Variants in BAG4 observed in about 807,000 individuals in gnomAD.
BAG4 encodes the protein BAG cochaperone 4.
A neutral mutation model predicts 52.1 loss-of-function variants in BAG4; 28 were observed. The observed-to-expected ratio is 0.54, with a 90% CI of 0.40 to 0.74. BAG4 has a LOEUF of 0.74. BAG4 is among the 30% of genes least tolerant of loss of function. BAG4 has a pLI of 0.00. For synonymous variants in BAG4, 208 were observed against 217.0 expected, an observed-to-expected ratio of 0.96 and a Z score of 0.37; for missense variants, 525 against 572.0, an observed-to-expected ratio of 0.92 and a Z score of 0.84.
At chr8:38,179,414 C>G (rs182362384) in intron 1 of BAG4, among the ~76,000 whole-genome samples, 2 of 151,798 alleles carry the variant, frequency 1.3e-5, no homozygotes, top group East Asian at 3.9e-4. Context: ...GCCTCGGCCT[C>G]CAAAAGTGCT....
intron 1 of BAG4, among the ~76,000 whole-genome samples, chr8:38,188,869 C>G (rs1323695540): frequency 6.6e-6 from 1 of 152,002 alleles, no homozygotes; most frequent in Non-Finnish European, 1.5e-5. Context: ...TCTTGGCTCA[C>G]TGCAACCTCC....
At chr8:38,178,553 A>G (rs1439156596) in intron 1 of BAG4, among the ~76,000 whole-genome samples, 1 of 152,288 alleles carries the variant, frequency 6.6e-6, no homozygotes, top group Non-Finnish European at 1.5e-5. Flanking sequence ...TTGTAAGGAC[A>G]TAACGACTGA....
At chr8:38,183,751 G>A (rs1229602040) in intron 1 of BAG4, among the ~76,000 whole-genome samples, 1 of 151,588 alleles carries the variant, frequency 6.6e-6, no homozygotes, top group East Asian at 2.0e-4. Flanking sequence ...TCAAACTCCT[G>A]GGCTCAAGCT....
chr8:38,209,608 G>A lies in BAG4; in HGVS notation c.888+341G>A. 3 of 375,332 alleles carry A rather than the reference G, an allele frequency of 8.0e-6. No individual in the cohort carries two copies. In the South Asian group the frequency reaches 1.1e-4, roughly 14 times the overall value. The allele number at this position is 375,332 out of a possible 1,614,324, so 23.3% of individuals were successfully genotyped here. Reference sequence around the variant, plus strand: ...AACCAATGTGAAATATCTGTAGCATGAGCTTGTATTTAAACCACAGACTTG... The same window carrying A: ...AACCAATGTGAAATATCTGTAGCATAAGCTTGTATTTAAACCACAGACTTG... On this transcript the variant is annotated intron_variant, in intron 4 of 4. Coordinates refer to ENST00000287322, the MANE Select transcript of BAG4 (RefSeq NM_004874.4).
In BAG4 at chr8:38,193,485, A is replaced by C. The variant is rs538389366; in HGVS notation, c.378+690A>C. 5.3e-5 allele frequency among the ~76,000 whole-genome samples: 8 copies of C among 152,322 alleles called. No individual in the cohort carries two copies. The East Asian group carries it at 1.5e-3, about 29-fold the overall frequency. The stretch of plus-strand genomic sequence containing the variant: ...GCAGATTTGTCAATTTCTGTTTGCC[A>C]CATTTGTTTCAGATTTTTAAGAAAG... On this transcript the variant is annotated intron_variant, in intron 2 of 4. Transcript: ENST00000287322.
At position 38,209,191 on chromosome 8, in the gene BAG4, T is replaced by C. The variant is rs1383344317; in HGVS notation, c.812T>C (p.Met271Thr). 5.0e-6 allele frequency: 8 copies of C among 1,614,072 alleles called. No homozygotes were observed. The highest frequency in any genetic ancestry group is 1.3e-5 in the African/African-American group (1 of 74,932). ...APSAPPGNLY[M>T]TESTSPWPSS... ...TCAGCACCACCCGGCAATCTCTACATGACTGAAAGTACTTCACCATGGCCT... is the reference window on the plus strand; with the variant it reads ...TCAGCACCACCCGGCAATCTCTACACGACTGAAAGTACTTCACCATGGCCT... Residue 271 changes from methionine (M) to threonine (T), a missense_variant, in exon 4 of 5, where the codon ATG (methionine) becomes ACG (threonine). Transcript: ENST00000287322.
At chr8:38,189,986 C>T (rs1803445931) in intron 1 of BAG4, among the ~76,000 whole-genome samples, 1 of 152,078 alleles carries the variant, frequency 6.6e-6, no homozygotes, top group East Asian at 1.9e-4. Flanking sequence ...GGGGTTTCAC[C>T]GTGTTAGCTA....
intron 1 of BAG4, among the ~76,000 whole-genome samples, chr8:38,177,853 C>CT (rs1803191926): frequency 6.6e-6 from 1 of 152,118 alleles, no homozygotes; most frequent in Non-Finnish European, 1.5e-5. Context: ...TTAATACAGT[C>CT]TTCTGGGTAG....
chr8:38,179,060 A>G (rs1395164740), intron 1 of BAG4, among the ~76,000 whole-genome samples: 1 of 152,222 alleles, frequency 6.6e-6, no homozygotes, highest in Non-Finnish European at 1.5e-5. Flanking sequence ...AAACTACTGA[A>G]TTGTACATTT....
intron 3 of BAG4, 48 bp downstream of exon 3, chr8:38,207,814 C>G: frequency 1.9e-6 from 3 of 1,600,456 alleles, no homozygotes; most frequent in Non-Finnish European, 2.6e-6. Context: ...GTCTCTGCCT[C>G]TTGTAAACAG....
intron 1 of BAG4, among the ~76,000 whole-genome samples, chr8:38,183,718 T>A (rs531166129): frequency 1.3e-5 from 2 of 152,202 alleles, no homozygotes; most frequent in African/African-American, 4.8e-5. Context: ...GAACAGGTTC[T>A]CACTGTATTC....
At chr8:38,191,718 C>T (rs34813622) in intron 1 of BAG4, among the ~76,000 whole-genome samples, 8,817 of 147,992 alleles carry the variant, frequency 0.06, 389 homozygotes, top group Admixed American at 0.11. Context: ...CGAGATCGTG[C>T]CATTGCACTC....
chr8:38,207,495 A>C lies in BAG4; in HGVS notation c.379-17A>C. ...CTACTAATTCATCTTTTTTTCACTC[A>C]ACTTGGTTTTTTTCAGAGTTTGAAT... On this transcript the variant is annotated splice_polypyrimidine_tract_variant and intron_variant, in intron 2 of 4. Coordinates refer to ENST00000287322, the MANE Select transcript of BAG4 (RefSeq NM_004874.4). 6.3e-7 allele frequency: 1 copy of C among 1,599,858 alleles called. No homozygotes were observed. The highest frequency in any genetic ancestry group is 2.1e-4 in the Middle Eastern group (1 of 4,652).
intron 1 of BAG4, among the ~76,000 whole-genome samples, chr8:38,188,621 GTACACATATA>G (rs1563280606): frequency 7.3e-4 from 107 of 145,898 alleles, no homozygotes; most frequent in African/African-American, 2.5e-3. Context: ...ATATATACAT[GTACACATATA>G]TATACATATA....
intron 4 of BAG4, chr8:38,209,646 T>G (rs1052867613): frequency 1.4e-5 from 5 of 357,576 alleles, no homozygotes; most frequent in African/African-American, 4.2e-5. Flanking sequence ...CATTATCACT[T>G]GTGGCTGTGT....
chr8:38,193,693 G>T (rs1803515172), intron 2 of BAG4, among the ~76,000 whole-genome samples: 1 of 150,822 alleles, frequency 6.6e-6, no homozygotes, highest in African/African-American at 2.4e-5. Context: ...AGCCTCCTGA[G>T]TAGCTGGGAC....
At chr8:38,198,239 C>A (rs926718727) in intron 2 of BAG4, among the ~76,000 whole-genome samples, 2 of 150,706 alleles carry the variant, frequency 1.3e-5, no homozygotes, top group African/African-American at 4.9e-5. Flanking sequence ...AAAAAATTAG[C>A]CGGGCGAGGT....
intron 2 of BAG4, chr8:38,201,870 A>T (rs1563284113): frequency 0.02 from 109 of 5,582 alleles, 4 homozygotes; most frequent in Non-Finnish European, 0.031. Context: ...ATATATATAT[A>T]TATATATATA....
chr8:38,209,378 T>C (rs1803830408), intron 4 of BAG4, 111 bp downstream of exon 4: 1 of 1,448,378 alleles, frequency 6.9e-7, no homozygotes, highest in African/African-American at 1.4e-5. Context: ...TTACAAAAAG[T>C]TGGTGACTAC....
Sources: allele counts gnomAD v4.1 joint callset (sites outside exome capture counted in the v4.1 genomes callset), GRCh38; gene constraint gnomAD v4.1.1; transcripts MANE v1.5; gene names NCBI Gene and HGNC (gene_info 2026-07-23, HGNC 2026-07-21).